The following ZMYM2 variants were observed in gnomAD, a reference collection of about 807,000 sequenced individuals.
ZMYM2 encodes the protein zinc finger MYM-type containing 2, also known as zinc finger MYM-type protein 2.
A neutral mutation model predicts 162.8 loss-of-function variants in ZMYM2; 56 were observed. The observed-to-expected ratio is 0.34, with a 90% CI of 0.28 to 0.43. ZMYM2 has a LOEUF of 0.43. Among genes scored for constraint, ZMYM2 ranks in the 20% least tolerant of loss-of-function variants. The pLI, the probability that ZMYM2 is intolerant of heterozygous loss-of-function variation, is 1.00. For synonymous variants in ZMYM2, 510 were observed against 541.6 expected (o/e 0.94, Z 0.81); for missense variants, 1,275 against 1,621.8 (o/e 0.79, Z 3.67).
chr13:19,931,162 T>A, the ZMYM2 span, among the ~76,000 whole-genome samples: 45 of 148,310 alleles, frequency 3.0e-4, no homozygotes, highest in African/African-American at 1.1e-3. Flanking sequence ...ATAATAATAA[T>A]AATAATAATT....
At chr13:20,007,144 T>A (rs9578248) in intron 6 of ZMYM2, among the ~76,000 whole-genome samples, 15,421 of 151,654 alleles carry the variant, frequency 0.1, 1,280 homozygotes, top group African/African-American at 0.22. Flanking sequence ...TTGTTATCAT[T>A]TTTTTTTTGA....
the ZMYM2 span, among the ~76,000 whole-genome samples, chr13:19,907,855 T>C: frequency 6.6e-6 from 1 of 151,784 alleles, no homozygotes; most frequent in Non-Finnish European, 1.5e-5. Flanking sequence ...TTTAAGACTT[T>C]ATACGAAAAG....
chr13:19,937,494 C>T, the ZMYM2 span, among the ~76,000 whole-genome samples: 2 of 143,828 alleles, frequency 1.4e-5, no homozygotes, highest in East Asian at 2.0e-4. Context: ...GTCTCAGTCT[C>T]GTTATGTCGC....
intron 2 of ZMYM2, among the ~76,000 whole-genome samples, chr13:19,978,540 C>T (rs1956993903): frequency 6.6e-6 from 1 of 151,980 alleles, no homozygotes; most frequent in Non-Finnish European, 1.5e-5. Flanking sequence ...CCTCAGCCTG[C>T]CGAGTAGCTG....
rs762515720 is a variant in ZMYM2, at chr13:20,066,805, A to G, written c.3133-46A>G. Reference sequence around the variant, plus strand: ...ATGGCTTGTATAAAGTAATGAAATAATGTAGGCTTTAAAAAAGATATTATT... The same window carrying G: ...ATGGCTTGTATAAAGTAATGAAATAGTGTAGGCTTTAAAAAAGATATTATT... On this transcript the variant is annotated intron_variant, in intron 19 of 24. Transcript: ENST00000610343. 2.0e-6 allele frequency: 3 copies of G among 1,472,956 alleles called. No individual in the cohort carries two copies. The South Asian group carries it at 4.3e-5, about 21-fold the overall frequency. The allele number at this position is 1,472,956 out of a possible 1,614,324, so 91.2% of individuals were successfully genotyped here. A position where few individuals can be genotyped will look rare whatever the true frequency, so the allele number is the denominator to read the frequency against.
the ZMYM2 span, among the ~76,000 whole-genome samples, chr13:19,866,131 A>G: frequency 6.6e-6 from 1 of 152,048 alleles, no homozygotes; most frequent in Non-Finnish European, 1.5e-5. Flanking sequence ...CTGAGGCAGG[A>G]GAATCACTTG....
At position 19,993,936 on chromosome 13, in the gene ZMYM2, A is replaced by G. The variant is rs993204351; in HGVS notation, c.847+17A>G. The G allele has an allele frequency of 6.3e-7, 1 of 1,585,622 alleles. No individual in the cohort carries two copies. Among genetic ancestry groups the G allele is most frequent in the Non-Finnish European group, 8.5e-7 (1 of 1,170,820 alleles). On this transcript the variant is annotated intron_variant, in intron 3 of 24. Coordinates refer to ENST00000610343, the MANE Select transcript of ZMYM2 (RefSeq NM_197968.4). The stretch of plus-strand genomic sequence containing the variant: ...ATAATCCTGGTAAGCAGTAAGAGAT[A>G]CTCTACTTCATGTAAATGAATTTAA...
chr13:19,885,956 T>TATATGTGTGTATACAC, the ZMYM2 span, among the ~76,000 whole-genome samples: 24 of 77,850 alleles, frequency 3.1e-4, 5 homozygotes, highest in East Asian at 2.1e-3. Flanking sequence ...TATATACACA[T>TATATGTGTGTATACAC]ATATATGTGT....
intron 11 of ZMYM2, among the ~76,000 whole-genome samples, chr13:20,035,841 T>C (rs187857130): frequency 6.6e-6 from 1 of 152,228 alleles, no homozygotes; most frequent in East Asian, 1.9e-4. Context: ...ACCATCAAAC[T>C]CTAGTTAGAT....
At chr13:19,910,176 G>A in the ZMYM2 span, among the ~76,000 whole-genome samples, 2 of 151,934 alleles carry the variant, frequency 1.3e-5, no homozygotes, top group African/African-American at 2.4e-5. Context: ...GCAGTGAGCC[G>A]AGATTGCGCC....
At chr13:20,082,205 A>G (rs750965290) in intron 22 of ZMYM2, 75 bp downstream of exon 22, 5 of 1,094,740 alleles carry the variant, frequency 4.6e-6, no homozygotes, top group Non-Finnish European at 5.2e-6. Flanking sequence ...GTTTGAAAAT[A>G]TTATAATTAA....
the ZMYM2 span, among the ~76,000 whole-genome samples, chr13:19,924,878 CT>C: frequency 0.012 from 1,632 of 136,670 alleles, 5 homozygotes; most frequent in Admixed American, 0.017. Flanking sequence ...TTTATTGAAA[CT>C]TTTTTTTTTT....
At chr13:19,914,851 G>A in the ZMYM2 span, among the ~76,000 whole-genome samples, 1 of 152,150 alleles carries the variant, frequency 6.6e-6, no homozygotes, top group Non-Finnish European at 1.5e-5. Context: ...TGCAGACTCA[G>A]TTACAGTGTC....
chr13:19,947,731 T>C, the ZMYM2 span, among the ~76,000 whole-genome samples: 3 of 152,108 alleles, frequency 2.0e-5, no homozygotes, highest in Non-Finnish European at 2.9e-5. Context: ...TAACTTCAGG[T>C]GATCCATCGG....
chr13:20,033,642 C>T (rs567717284), intron 10 of ZMYM2, among the ~76,000 whole-genome samples: 18 of 152,306 alleles, frequency 1.2e-4, no homozygotes, highest in Admixed American at 1.1e-3. Flanking sequence ...GAAGTTTTAA[C>T]TTGTTCATAC....
chr13:19,978,034 G>A (rs1202413002), intron 2 of ZMYM2, among the ~76,000 whole-genome samples: 1 of 151,426 alleles, frequency 6.6e-6, no homozygotes, highest in Non-Finnish European at 1.5e-5. Flanking sequence ...CCACCACCAC[G>A]CCTGGCTAAT....
chr13:20,014,840 A>G (rs1320546678), intron 6 of ZMYM2, among the ~76,000 whole-genome samples: 1 of 137,860 alleles, frequency 7.3e-6, no homozygotes, highest in Admixed American at 8.1e-5. Context: ...ATCTTAGCTC[A>G]CTGCACCCTC....
Position 20,048,651 on chromosome 13 carries a change from C to G in ZMYM2, c.2293-2782C>G, listed in dbSNP as rs1237995634. 2.6e-5 allele frequency among the ~76,000 whole-genome samples: 4 copies of G among 151,962 alleles called. No individual in the cohort carries two copies. The East Asian group carries it at 7.7e-4, about 29-fold the overall frequency. On this transcript the variant is annotated intron_variant, in intron 12 of 24. Transcript: ENST00000610343. ...TCAAAAATGAAAAGTTGAAACTATC[C>G]AAGACATGAAAGGGACTGGGTCAGG...
At chr13:20,046,599 G>GTATA (rs1954824174) in intron 12 of ZMYM2, among the ~76,000 whole-genome samples, 1 of 27,002 alleles carries the variant, frequency 3.7e-5, no homozygotes, top group African/African-American at 5.5e-5. Context: ...GTGTGTGTGT[G>GTATA]TGTGTGTGTA....
Sources: allele counts gnomAD v4.1 joint callset (sites outside exome capture counted in the v4.1 genomes callset), GRCh38; gene constraint gnomAD v4.1.1; transcripts MANE v1.5; gene names NCBI Gene and HGNC (gene_info 2026-07-23, HGNC 2026-07-21).